The following RANBP2 variants were observed in gnomAD, a reference collection of about 807,000 sequenced individuals.
RANBP2 encodes the protein RAN binding protein 2.
A neutral mutation model predicts 303.6 loss-of-function variants in RANBP2; 57 were observed. That is an observed-to-expected ratio of 0.19 (90% CI 0.15 to 0.23). The LOEUF (loss-of-function observed/expected upper bound fraction) is 0.23. Ranked by LOEUF, RANBP2 falls within the 10% of genes least tolerant of loss-of-function variation. The pLI is 1.00. For synonymous variants in RANBP2, 1,167 were observed against 1,301.5 expected (o/e 0.90, Z 2.23); for missense variants, 3,138 against 3,780.8 (o/e 0.83, Z 4.46).
At chr2:108,762,454 T>C (rs1157291506) in intron 19 of RANBP2, among the ~76,000 whole-genome samples, 6 of 68,726 alleles carry the variant, frequency 8.7e-5, no homozygotes, top group African/African-American at 2.9e-4. Flanking sequence ...TTAACAGAAA[T>C]AGAACTGTAA....
the RANBP2 span, among the ~76,000 whole-genome samples, chr2:109,495,477 C>CTTTTTTTTT: frequency 5.0e-4 from 47 of 94,270 alleles, 6 homozygotes; most frequent in African/African-American, 1.2e-3. Flanking sequence ...TCTTTCATTC[C>CTTTTTTTTT]TTTTTTTTTT....
chr2:109,170,275 T>A, the RANBP2 span, among the ~76,000 whole-genome samples: 1 of 107,770 alleles, frequency 9.3e-6, no homozygotes, highest in East Asian at 3.6e-4. Context: ...TTCTCTTCTC[T>A]TCTCTTCTCT....
chr2:109,202,645 G>A, the RANBP2 span, among the ~76,000 whole-genome samples: 1 of 152,124 alleles, frequency 6.6e-6, no homozygotes, highest in Non-Finnish European at 1.5e-5. Context: ...AGGAACCTGG[G>A]TCCTGGGAAA....
chr2:109,442,115 TC>T, the RANBP2 span, among the ~76,000 whole-genome samples: 2 of 152,010 alleles, frequency 1.3e-5, no homozygotes, highest in Non-Finnish European at 2.9e-5. Flanking sequence ...ATTGAGACCA[TC>T]CTGGCTAACA....
chr2:108,806,400 TA>T, the RANBP2 span, among the ~76,000 whole-genome samples: 2 of 152,220 alleles, frequency 1.3e-5, no homozygotes. Context: ...TGTGGATTAT[TA>T]AATATTTGGA....
At chr2:108,865,161 A>T in the RANBP2 span, among the ~76,000 whole-genome samples, 3 of 152,104 alleles carry the variant, frequency 2.0e-5, no homozygotes, top group Admixed American at 1.3e-4. Context: ...GATATATATT[A>T]TGATCAGCAT....
chr2:108,773,103 A>G, intron 23 of RANBP2, 57 bp downstream of exon 23: 2 of 1,488,518 alleles, frequency 1.3e-6, no homozygotes, highest in Non-Finnish European at 1.8e-6. Flanking sequence ...TTGATGCAGT[A>G]AACTTTAGAA....
the RANBP2 span, among the ~76,000 whole-genome samples, chr2:109,385,595 C>T: frequency 2.0e-5 from 3 of 152,228 alleles, no homozygotes; most frequent in African/African-American, 7.2e-5. Context: ...AAATAATCAG[C>T]GCTTTTGGGA....
chr2:108,996,119 G>C, the RANBP2 span, among the ~76,000 whole-genome samples: 1 of 152,222 alleles, frequency 6.6e-6, no homozygotes, highest in African/African-American at 2.4e-5. Context: ...CCAAGGAAAT[G>C]AAGTGTTGAC....
the RANBP2 span, among the ~76,000 whole-genome samples, chr2:109,683,774 G>A: frequency 6.6e-6 from 1 of 152,062 alleles, no homozygotes; most frequent in Non-Finnish European, 1.5e-5. Flanking sequence ...ACTCCTCAGG[G>A]CACTGTTGCT....
chr2:109,244,930 G>A, the RANBP2 span, among the ~76,000 whole-genome samples: 2 of 152,234 alleles, frequency 1.3e-5, no homozygotes, highest in Non-Finnish European at 2.9e-5. Context: ...GGCTGGCCCT[G>A]AGCTTGCCCT....
At chr2:109,043,268 G>A in the RANBP2 span, among the ~76,000 whole-genome samples, 2 of 152,116 alleles carry the variant, frequency 1.3e-5, no homozygotes, top group Non-Finnish European at 2.9e-5. Flanking sequence ...ATTACTTTAC[G>A]AAATTACCTC....
the RANBP2 span, among the ~76,000 whole-genome samples, chr2:109,301,219 G>A: frequency 6.6e-6 from 1 of 152,130 alleles, no homozygotes; most frequent in African/African-American, 2.4e-5. Flanking sequence ...TGATGTCAGG[G>A]GTTTGCTGAT....
At chr2:108,810,057 C>T in the RANBP2 span, among the ~76,000 whole-genome samples, 13 of 152,176 alleles carry the variant, frequency 8.5e-5, no homozygotes, top group Non-Finnish European at 1.3e-4. Context: ...CCGCCTGCCT[C>T]GGCCTCCCAT....
the RANBP2 span, among the ~76,000 whole-genome samples, chr2:109,379,923 TTAGACCTA>T: frequency 6.6e-6 from 1 of 152,208 alleles, no homozygotes; most frequent in Non-Finnish European, 1.5e-5. Flanking sequence ...AGGCAAATTC[TTAGACCTA>T]TCAGGGAGAA....
At chr2:109,096,827 T>TG in the RANBP2 span, among the ~76,000 whole-genome samples, 4 of 151,398 alleles carry the variant, frequency 2.6e-5, no homozygotes, top group African/African-American at 9.7e-5. Flanking sequence ...ACCCTACAGT[T>TG]GATGGATCAG....
chr2:109,325,277 C>A, the RANBP2 span, among the ~76,000 whole-genome samples: 3 of 151,472 alleles, frequency 2.0e-5, no homozygotes, highest in Non-Finnish European at 4.4e-5. Flanking sequence ...TCGTAGAATC[C>A]CAGGAGTCAT....
At chr2:109,213,210 G>A in the RANBP2 span, among the ~76,000 whole-genome samples, 21 of 152,336 alleles carry the variant, frequency 1.4e-4, no homozygotes, top group East Asian at 2.9e-3. Flanking sequence ...AACTCTGGAA[G>A]TAGGTGGTCC....
At chr2:108,889,751 A>G in the RANBP2 span, among the ~76,000 whole-genome samples, 1 of 152,124 alleles carries the variant, frequency 6.6e-6, no homozygotes, top group Non-Finnish European at 1.5e-5. Flanking sequence ...GCTATTCTAT[A>G]TCTTTTAAGT....
Sources: allele counts gnomAD v4.1 joint callset (sites outside exome capture counted in the v4.1 genomes callset), GRCh38; gene constraint gnomAD v4.1.1; transcripts MANE v1.5; gene names NCBI Gene and HGNC (gene_info 2026-07-23, HGNC 2026-07-21).